TMEM40: variants seen among roughly 807,000 people sequenced by gnomAD.
TMEM40 encodes the protein transmembrane protein 40.
A neutral mutation model predicts 40.8 loss-of-function variants in TMEM40; 34 were observed. The observed-to-expected ratio is 0.83, with a 90% CI of 0.63 to 1.11. The LOEUF (loss-of-function observed/expected upper bound fraction) is 1.11. TMEM40 is among the 50% of genes least tolerant of loss of function. The probability of loss-of-function intolerance (pLI) is 0.00; values close to 1 mark genes in which losing one functional copy is unlikely to be tolerated. For synonymous variants in TMEM40, 106 were observed against 107.0 expected (o/e 0.99, Z 0.06); for missense variants, 296 against 280.2 (o/e 1.06, Z -0.40).
chr3:12,742,112 C>A (rs1286612888), intron 5 of TMEM40, among the ~76,000 whole-genome samples: 1 of 152,020 alleles, frequency 6.6e-6, no homozygotes, highest in African/African-American at 2.4e-5. Flanking sequence ...CGCCTGTGGT[C>A]CCACCTACTC....
At chr3:12,768,187 G>C (rs2061603266) in intron 1 of TMEM40, among the ~76,000 whole-genome samples, 1 of 152,136 alleles carries the variant, frequency 6.6e-6, no homozygotes, top group Non-Finnish European at 1.5e-5. Context: ...GTCTGGAGTT[G>C]TTCGTTCCTC....
rs1461347275 is a variant in TMEM40 at position 12,734,761 on chromosome 3, C to T, written c.*13G>A. The T allele has an allele frequency of 3.1e-6, 5 of 1,594,240 alleles. No homozygotes were observed. The highest frequency in any genetic ancestry group is 1.1e-5 in the South Asian group (1 of 87,594). On this transcript the variant is annotated 3_prime_UTR_variant, in exon 12 of 12. Transcript: ENST00000314124. ...CACTGGGGCCTGCCTCTGCTGCCCA[C>T]CTGGAAGTGGCCTCAGTCAGTCTTC...
rs1464884208 is a variant in TMEM40, at chr3:12,748,760, T to C, written c.106A>G (p.Lys36Glu). The change falls in exon 3 of 12, where the codon AAG (lysine) becomes GAG (glutamate). Residue 36 changes from lysine (K) to glutamate (E), a missense_variant. Physicochemically the swap from Lys to Glu is moderately conservative, Grantham distance 56 (BLOSUM62 1). Coordinates refer to ENST00000314124, the MANE Select transcript of TMEM40 (RefSeq NM_018306.4). ...TGTTCTTGGGAAAAGAGTCCAGCCT[T>C]CCCATCTTGCTTGTGGAAATCTGTC... Reference protein sequence around the residue: ...GETDFHKQDGKAGLFSQEQYE... With the variant: ...GETDFHKQDGEAGLFSQEQYE... 14 of 1,614,086 alleles carry C rather than the reference T, an allele frequency of 8.7e-6. No homozygotes were observed. Among genetic ancestry groups the C allele is most frequent in the Non-Finnish European group, 1.1e-5 (13 of 1,179,986 alleles).
rs761462175 is a variant in TMEM40, at chr3:12,738,216, T to TG, written c.392-49_392-48insC. The TG allele has an allele frequency of 3.1e-6, 5 of 1,608,940 alleles. No individual in the cohort carries two copies. In the African/African-American group the frequency reaches 6.7e-5, roughly 21 times the overall value. The stretch of plus-strand genomic sequence containing the variant: ...TAGTGCCCAACCCCGCTTGGGGTCC[T>TG]TAACAGGTGCCTCCACCCTGGGGAA... On this transcript the variant is annotated intron_variant, in intron 6 of 11. Coordinates refer to ENST00000314124, the MANE Select transcript of TMEM40 (RefSeq NM_018306.4).
chr3:12,751,471 G>GT (rs1412054911), intron 1 of TMEM40, among the ~76,000 whole-genome samples: 5 of 151,612 alleles, frequency 3.3e-5, no homozygotes, highest in African/African-American at 1.2e-4. Flanking sequence ...GTAGAGACGT[G>GT]GTTTCACCAT....
intron 1 of TMEM40, among the ~76,000 whole-genome samples, chr3:12,765,528 GT>G (rs1304527706): frequency 6.6e-6 from 1 of 151,200 alleles, no homozygotes; most frequent in Non-Finnish European, 1.5e-5. Flanking sequence ...CCACTAAATG[GT>G]TGCTTTGGGT....
At chr3:12,766,220 A>G (rs1481751357) in intron 1 of TMEM40, among the ~76,000 whole-genome samples, 1 of 152,070 alleles carries the variant, frequency 6.6e-6, no homozygotes, top group Non-Finnish European at 1.5e-5. Context: ...GTGGATAGGC[A>G]ACTGTTTGTT....
At chr3:12,758,168 C>T (rs1201982331) in intron 1 of TMEM40, among the ~76,000 whole-genome samples, 2 of 152,022 alleles carry the variant, frequency 1.3e-5, no homozygotes, top group African/African-American at 4.8e-5. Flanking sequence ...CCAGCATGGT[C>T]CCTGACGTGC....
At chr3:12,765,166 AT>A in intron 1 of TMEM40, among the ~76,000 whole-genome samples, 1 of 151,982 alleles carries the variant, frequency 6.6e-6, no homozygotes. Flanking sequence ...CTGAAGTTAA[AT>A]TTTTTTAAAA....
At chr3:12,761,907 T>C (rs2061570462), upstream of TMEM40, among the ~76,000 whole-genome samples, 1 of 152,196 alleles carries the variant, frequency 6.6e-6, no homozygotes, top group African/African-American at 2.4e-5. Flanking sequence ...AACATATATA[T>C]GTATAATAGA....
chr3:12,760,805 G>A (rs930576567), upstream of TMEM40, among the ~76,000 whole-genome samples: 5 of 151,008 alleles, frequency 3.3e-5, no homozygotes, highest in African/African-American at 4.9e-5. Context: ...GCAGTGGCAC[G>A]ATCATCACTC....
rs990714966 is a variant in TMEM40 at position 12,765,771 on chromosome 3, G to A, written c.-9+3480C>T. On this transcript the variant is annotated intron_variant, in intron 1 of 11. Coordinates refer to the TMEM40 transcript ENST00000264728. ...TTTTTAGTAGAGACTGGGTTTCACCGTGTTAATCAGAATGGTCTCGATCTC... is the reference window on the plus strand; with the variant it reads ...TTTTTAGTAGAGACTGGGTTTCACCATGTTAATCAGAATGGTCTCGATCTC... Among the ~76,000 whole-genome samples the A allele has an allele frequency of 3.9e-5, 6 of 152,068 alleles. No homozygotes were observed. In the East Asian group the frequency reaches 5.8e-4, roughly 15 times the overall value.
In TMEM40 at chr3:12,746,620, C is replaced by T. The variant is rs1022270742; in HGVS notation, c.211+2035G>A. ...CCTTCTAGGGTAGCGGGTCACTGTC[C>T]GCGCCTGAAAAACAGGCGGCTATGT... On this transcript the variant is annotated intron_variant, in intron 3 of 11. Transcript: ENST00000314124. Among the ~76,000 whole-genome samples, 5 of 152,240 alleles carry T rather than the reference C, an allele frequency of 3.3e-5. No homozygotes were observed. The East Asian group carries it at 7.7e-4, about 24-fold the overall frequency.
chr3:12,767,256 G>A (rs554130945), intron 1 of TMEM40, among the ~76,000 whole-genome samples: 1 of 152,132 alleles, frequency 6.6e-6, no homozygotes, highest in Middle Eastern at 3.4e-3. Flanking sequence ...CTTTTATAGG[G>A]GAAGGACTAT....
chr3:12,762,892 G>C (rs745498805), upstream of TMEM40, among the ~76,000 whole-genome samples: 43 of 152,134 alleles, frequency 2.8e-4, no homozygotes, highest in Non-Finnish European at 4.3e-4. Flanking sequence ...AGCTGGGCGC[G>C]GTGGCTCGCA....
At chr3:12,739,982 T>A (rs1009526989) in intron 5 of TMEM40, among the ~76,000 whole-genome samples, 6 of 148,328 alleles carry the variant, frequency 4.0e-5, no homozygotes, top group African/African-American at 1.5e-4. Context: ...AGCCACCATG[T>A]CTGGCTCTCA....
chr3:12,739,948 C>T (rs1408683521), intron 5 of TMEM40, among the ~76,000 whole-genome samples: 3 of 150,232 alleles, frequency 2.0e-5, no homozygotes, highest in Non-Finnish European at 3.0e-5. Flanking sequence ...CTCAGCCTCC[C>T]AAGTAGCTGG....
chr3:12,746,309 T>A (rs2061428125), intron 3 of TMEM40, among the ~76,000 whole-genome samples: 1 of 152,260 alleles, frequency 6.6e-6, no homozygotes, highest in African/African-American at 2.4e-5. Flanking sequence ...TGGTGCTCAG[T>A]AAATATTTGT....
At chr3:12,768,839 C>G (rs1303142961) in intron 1 of TMEM40, among the ~76,000 whole-genome samples, 2 of 150,506 alleles carry the variant, frequency 1.3e-5, no homozygotes, top group Admixed American at 1.3e-4. Flanking sequence ...CGCCGTGGAG[C>G]AGGGGGCAGC....
Sources: gnomAD v4.1 joint callset for allele counts (sites outside exome capture counted in the v4.1 genomes callset) on GRCh38, gnomAD v4.1.1 for gene constraint, MANE v1.5 for transcripts, NCBI Gene and HGNC (gene_info 2026-07-23, HGNC 2026-07-21) for gene names.